Variants in RFX3 observed in about 807,000 individuals in gnomAD.
The protein encoded by RFX3 is transcription factor RFX3.
RFX3 carries 14 observed loss-of-function variants against 98.6 expected under a neutral mutation model. The observed-to-expected ratio is 0.14, with a 90% CI of 0.09 to 0.22. RFX3 has a LOEUF of 0.22. RFX3 is among the 10% of genes least tolerant of loss of function. The pLI is 1.00. For synonymous variants in RFX3, 383 were observed against 328.4 expected, an observed-to-expected ratio of 1.17 and a Z score of -1.80; for missense variants, 639 against 926.9, an observed-to-expected ratio of 0.69 and a Z score of 4.03.
At chr9:3,227,804 A>T (rs1045239471) in intron 16 of RFX3, among the ~76,000 whole-genome samples, 1 of 152,210 alleles carries the variant, frequency 6.6e-6, no homozygotes, top group Non-Finnish European at 1.5e-5. Context: ...TAGAGTATAT[A>T]TTTGTAGCAA....
chr9:3,382,650 C>A (rs1396184128), intron 2 of RFX3, among the ~76,000 whole-genome samples: 1 of 152,088 alleles, frequency 6.6e-6, no homozygotes, highest in Non-Finnish European at 1.5e-5. Context: ...AATTGTACCA[C>A]CAATTCCTTA....
At chr9:3,293,785 T>C (rs751085298) in intron 5 of RFX3, among the ~76,000 whole-genome samples, 29 of 152,168 alleles carry the variant, frequency 1.9e-4, no homozygotes, top group African/African-American at 6.5e-4. Flanking sequence ...ATAACAATAT[T>C]GTCTACTGCG....
chr9:3,262,818 A>C, intron 13 of RFX3, 117 bp downstream of exon 13: 16 of 1,046,164 alleles, frequency 1.5e-5, no homozygotes, highest in Non-Finnish European at 2.3e-5. Context: ...GAACACTGTG[A>C]ATATAGATGC....
intron 15 of RFX3, among the ~76,000 whole-genome samples, chr9:3,243,153 A>G (rs1563789110): frequency 1.3e-5 from 2 of 151,968 alleles, no homozygotes; most frequent in Non-Finnish European, 2.9e-5. Context: ...TGATTTTTAA[A>G]ATTGTTTATT....
At chr9:3,445,322 G>C (rs1048214191) in intron 1 of RFX3, among the ~76,000 whole-genome samples, 1 of 148,772 alleles carries the variant, frequency 6.7e-6, no homozygotes, top group Non-Finnish European at 1.5e-5. Context: ...ATGCATAATA[G>C]TAATAGCCAC....
intron 1 of RFX3, among the ~76,000 whole-genome samples, chr9:3,464,031 T>A (rs1847967936): frequency 6.6e-6 from 1 of 152,086 alleles, no homozygotes; most frequent in Non-Finnish European, 1.5e-5. Flanking sequence ...AAAAACTACA[T>A]GAAAAAATGT....
chr9:3,270,287 C>G (rs1824258923), intron 11 of RFX3, 84 bp downstream of exon 11: 2 of 1,329,600 alleles, frequency 1.5e-6, no homozygotes. Context: ...TAGAATCATT[C>G]TAGATTGCAA....
chr9:3,293,238 A>G lies in RFX3; in HGVS notation c.570T>C (p.Asn190=). The G allele has an allele frequency of 6.2e-7, 1 of 1,604,562 alleles. No individual in the cohort carries two copies. Among genetic ancestry groups the G allele is most frequent in the Non-Finnish European group, 8.5e-7 (1 of 1,176,502 alleles). ...LNSHLQWLLD[N]YETAEGVSLP... ...GGCTCACTCCTTCTGCTGTCTCATA[A>G]TTGTCCAACAGCCACTGGAGCTAGG... is the stretch of plus-strand genomic sequence containing the variant. The change falls in exon 6 of 17, where the codon AAT becomes AAC. Residue 190 remains asparagine, a synonymous_variant. Transcript: ENST00000617270.
At chr9:3,496,554 A>C (rs1038777131) in intron 1 of RFX3, among the ~76,000 whole-genome samples, 2 of 152,152 alleles carry the variant, frequency 1.3e-5, no homozygotes, top group East Asian at 3.9e-4. Flanking sequence ...GATGAAAATA[A>C]GAATACTAGC....
chr9:3,265,945 A>T (rs1200970146), intron 12 of RFX3, among the ~76,000 whole-genome samples: 1 of 152,080 alleles, frequency 6.6e-6, no homozygotes, highest in African/African-American at 2.4e-5. Flanking sequence ...ATATATATCT[A>T]CTATATTGTT....
At chr9:3,493,700 A>AAAAAATAT (rs398010211) in intron 1 of RFX3, among the ~76,000 whole-genome samples, 1 of 71,816 alleles carries the variant, frequency 1.4e-5, no homozygotes, top group African/African-American at 5.9e-5. Context: ...AAAAAAAAAA[A>AAAAAATAT]ATATATATAT....
chr9:3,269,025 C>T (rs1290898360), intron 11 of RFX3, among the ~76,000 whole-genome samples: 1 of 151,800 alleles, frequency 6.6e-6, no homozygotes, highest in Non-Finnish European at 1.5e-5. Context: ...AAGGAAAATC[C>T]GATTCTGGAA....
chr9:3,346,256 A>G (rs1376093403), intron 3 of RFX3, among the ~76,000 whole-genome samples: 2 of 152,314 alleles, frequency 1.3e-5, no homozygotes, highest in Non-Finnish European at 2.9e-5. Context: ...ATGTTCAAAA[A>G]TCCCAAACTC....
At chr9:3,492,215 C>G (rs1414632854) in intron 1 of RFX3, among the ~76,000 whole-genome samples, 1 of 152,216 alleles carries the variant, frequency 6.6e-6, no homozygotes, top group Non-Finnish European at 1.5e-5. Flanking sequence ...GTCCTACTTT[C>G]TCAGTGGCTC....
At chr9:3,342,885 C>T (rs112135474) in intron 3 of RFX3, among the ~76,000 whole-genome samples, 101 of 152,242 alleles carry the variant, frequency 6.6e-4, no homozygotes, top group African/African-American at 2.3e-3. Flanking sequence ...AGCATGGGTT[C>T]CTACAGAAGC....
intron 6 of RFX3, among the ~76,000 whole-genome samples, chr9:3,292,063 A>C (rs923741340): frequency 4.1e-3 from 156 of 38,282 alleles, no homozygotes; most frequent in East Asian, 0.024. Flanking sequence ...CTCCATCTCA[A>C]AAAAAAAAAA....
chr9:3,524,234 T>A (rs1214793107), intron 1 of RFX3, among the ~76,000 whole-genome samples: 1 of 151,948 alleles, frequency 6.6e-6, no homozygotes, highest in Non-Finnish European at 1.5e-5. Flanking sequence ...CTGAAAAAAA[T>A]GAACAAATTT....
At chr9:3,386,397 GTAT>G (rs1260272681) in intron 2 of RFX3, among the ~76,000 whole-genome samples, 10 of 151,984 alleles carry the variant, frequency 6.6e-5, no homozygotes, top group Non-Finnish European at 1.3e-4. Flanking sequence ...TTTAGCAGAA[GTAT>G]TATTTAATAT....
chr9:3,285,301 G>C (rs1173108253), intron 7 of RFX3, among the ~76,000 whole-genome samples: 1 of 151,654 alleles, frequency 6.6e-6, no homozygotes, highest in Non-Finnish European at 1.5e-5. Flanking sequence ...ATTTTTACAA[G>C]AGACTGGCAG....
Sources: gnomAD v4.1 joint callset for allele counts (sites outside exome capture counted in the v4.1 genomes callset) on GRCh38, gnomAD v4.1.1 for gene constraint, MANE v1.5 for transcripts, NCBI Gene and HGNC (gene_info 2026-07-23, HGNC 2026-07-21) for gene names.